AFF1: variants seen among roughly 807,000 people sequenced by gnomAD.
AFF1 encodes the protein AF4/FMR2 family member 1.
A neutral mutation model predicts 121.7 loss-of-function variants in AFF1; 48 were observed. The observed-to-expected ratio is 0.39, with a 90% confidence interval of 0.31 to 0.50. The LOEUF (loss-of-function observed/expected upper bound fraction) is 0.50, where lower values mean the gene tolerates loss of function less well. Ranked by LOEUF, AFF1 falls within the 20% of genes least tolerant of loss-of-function variation. The pLI, the probability that AFF1 is intolerant of heterozygous loss-of-function variation, is 0.76. For synonymous variants in AFF1, 613 were observed against 563.0 expected, an observed-to-expected ratio of 1.09 and a Z score of -1.26; for missense variants, 1,523 against 1,511.7, an observed-to-expected ratio of 1.01 and a Z score of -0.12.
intron 1 of AFF1, among the ~76,000 whole-genome samples, chr4:86,941,485 C>G (rs1720453846): frequency 6.6e-6 from 1 of 152,108 alleles, no homozygotes. Flanking sequence ...GTGATGAAAC[C>G]CCGTCTCTAC....
At chr4:87,035,663 G>GA (rs1729497485) in intron 2 of AFF1, among the ~76,000 whole-genome samples, 1 of 152,122 alleles carries the variant, frequency 6.6e-6, no homozygotes, top group Admixed American at 6.5e-5. Flanking sequence ...ATGATTTTTA[G>GA]AAAAATCAGT....
chr4:86,968,134 G>A (rs750938002), intron 2 of AFF1, among the ~76,000 whole-genome samples: 1 of 152,116 alleles, frequency 6.6e-6, no homozygotes, highest in East Asian at 1.9e-4. Context: ...GTTAAACTGT[G>A]GATTCAGTCA....
chr4:87,041,387 G>A (rs1012009053), intron 2 of AFF1, among the ~76,000 whole-genome samples: 2 of 152,128 alleles, frequency 1.3e-5, no homozygotes, highest in Non-Finnish European at 2.9e-5. Flanking sequence ...AAAAGGATGT[G>A]CTGTCTTTTA....
chr4:87,037,086 C>T (rs1329241433), intron 2 of AFF1, among the ~76,000 whole-genome samples: 1 of 152,168 alleles, frequency 6.6e-6, no homozygotes, highest in East Asian at 1.9e-4. Flanking sequence ...GTTTTCAGAG[C>T]TTCTAATGAG....
chr4:87,001,028 G>C (rs1039923227), intron 2 of AFF1, among the ~76,000 whole-genome samples: 1 of 151,894 alleles, frequency 6.6e-6, no homozygotes, highest in Non-Finnish European at 1.5e-5. Context: ...GCACCTTGCC[G>C]CAGGCTTGTT....
intron 11 of AFF1, among the ~76,000 whole-genome samples, chr4:87,110,276 T>G (rs1045070625): frequency 2.0e-5 from 3 of 152,174 alleles, no homozygotes; most frequent in African/African-American, 7.2e-5. Flanking sequence ...ATATAATGCA[T>G]AATAATCACA....
chr4:87,006,706 G>A (rs1726153478), intron 2 of AFF1, among the ~76,000 whole-genome samples: 1 of 152,232 alleles, frequency 6.6e-6, no homozygotes, highest in Non-Finnish European at 1.5e-5. Context: ...CTGGAGTTCT[G>A]AGCGGCTGGG....
intron 2 of AFF1, 105 bp downstream of exon 2, chr4:86,948,676 A>C: frequency 1.9e-6 from 2 of 1,050,854 alleles, no homozygotes; most frequent in Non-Finnish European, 2.7e-6. Context: ...TTAAGAACTC[A>C]CGGGTGCAAG....
chr4:87,027,329 C>T (rs149388844), intron 2 of AFF1, among the ~76,000 whole-genome samples: 14 of 152,348 alleles, frequency 9.2e-5, no homozygotes, highest in Admixed American at 2.6e-4. Context: ...CGTGCATGCA[C>T]GGATACACAT....
chr4:87,008,686 A>G (rs1011540433), intron 2 of AFF1, among the ~76,000 whole-genome samples: 5 of 151,972 alleles, frequency 3.3e-5, no homozygotes, highest in African/African-American at 1.2e-4. Context: ...TGTTATCACA[A>G]TAGAAACTAT....
chr4:87,068,839 C>T (rs1481222723), intron 4 of AFF1, among the ~76,000 whole-genome samples: 2 of 152,140 alleles, frequency 1.3e-5, no homozygotes. Context: ...GAGACAGTGA[C>T]CTAGTGGCAC....
chr4:87,086,873 C>A (rs551515561), intron 5 of AFF1, among the ~76,000 whole-genome samples: 2 of 152,112 alleles, frequency 1.3e-5, no homozygotes, highest in Non-Finnish European at 1.5e-5. Flanking sequence ...GAAAATCAAT[C>A]ATAGAAGATA....
chr4:87,093,819 C>A (rs1196756956), intron 7 of AFF1, among the ~76,000 whole-genome samples: 25 of 151,914 alleles, frequency 1.6e-4, no homozygotes, highest in Non-Finnish European at 1.5e-5. Flanking sequence ...TAAAAGGTAC[C>A]CATGTTTCTT....
At chr4:87,025,799 A>G (rs141013218) in intron 2 of AFF1, among the ~76,000 whole-genome samples, 48 of 152,262 alleles carry the variant, frequency 3.2e-4, no homozygotes, top group Non-Finnish European at 6.0e-4. Context: ...CCTAGTTCCT[A>G]TGCATGGGGA....
At chr4:87,017,416 A>G (rs901160089) in intron 2 of AFF1, among the ~76,000 whole-genome samples, 2 of 152,080 alleles carry the variant, frequency 1.3e-5, no homozygotes, top group African/African-American at 4.8e-5. Flanking sequence ...TCTTTATTGT[A>G]TTTTGTAAAT....
chr4:87,092,853 T>G (rs1724455387), intron 7 of AFF1, among the ~76,000 whole-genome samples: 2 of 152,152 alleles, frequency 1.3e-5, no homozygotes. Context: ...TTGGGAAATC[T>G]TTTTTCTCCA....
chr4:87,061,355 C>T (rs1338611998), intron 4 of AFF1, among the ~76,000 whole-genome samples: 1 of 152,130 alleles, frequency 6.6e-6, no homozygotes, highest in East Asian at 1.9e-4. Flanking sequence ...TGAAGATATC[C>T]ATAGTACCTT....
chr4:87,084,581 TAAATAAATAAATAAATAAATAAAA>T (rs1266981180), intron 5 of AFF1, among the ~76,000 whole-genome samples: 30 of 147,928 alleles, frequency 2.0e-4, no homozygotes, highest in Non-Finnish European at 3.6e-4. Context: ...AATAAATAAA[TAAATAAATAAATAAATAAATAAAA>T]AATAAAGAAC....
intron 4 of AFF1, among the ~76,000 whole-genome samples, chr4:87,051,655 A>G (rs1731275487): frequency 6.6e-6 from 1 of 151,802 alleles, no homozygotes; most frequent in Admixed American, 6.6e-5. Flanking sequence ...TTTTTATTCG[A>G]GACGAGGTTT....
Sources: allele counts gnomAD v4.1 joint callset (sites outside exome capture counted in the v4.1 genomes callset), GRCh38; gene constraint gnomAD v4.1.1; transcripts MANE v1.5; gene names NCBI Gene and HGNC (gene_info 2026-07-23, HGNC 2026-07-21).